GRIK1: variants seen among roughly 807,000 people sequenced by gnomAD.
The protein encoded by GRIK1 is glutamate receptor ionotropic, kainate 1.
Under a neutral mutation model 105.7 loss-of-function variants are expected in GRIK1, and 69 were observed. The observed-to-expected ratio is 0.65, with a 90% CI of 0.54 to 0.80. GRIK1 has a LOEUF of 0.80. Among genes scored for constraint, GRIK1 ranks in the 30% least tolerant of loss-of-function variants. The pLI is 0.00. For missense variants in GRIK1, 1,109 were observed against 1,167.3 expected (o/e 0.95, Z 0.73); for synonymous variants, 438 against 431.3 (o/e 1.02, Z -0.19).
rs543574728 is a variant in GRIK1 at position 29,778,915 on chromosome 21, C to A, written c.119-84852G>T. Among the ~76,000 whole-genome samples, 135 of 151,302 alleles carry A rather than the reference C, an allele frequency of 8.9e-4. 1 individual carries two copies. The highest frequency in any genetic ancestry group is 3.2e-3 in the African/African-American group (131 of 41,332). ...TCTTACTCTTAACCAGAGGGCTTTT[C>A]GAAAAAAAGGGAATTATACTAATTC... is the stretch of plus-strand genomic sequence containing the variant. On this transcript the variant is annotated intron_variant, in intron 1 of 17. Transcript: ENST00000327783.
chr21:29,694,496 A>G (rs1457577641), intron 1 of GRIK1, among the ~76,000 whole-genome samples: 1 of 152,108 alleles, frequency 6.6e-6, no homozygotes, highest in African/African-American at 2.4e-5. Flanking sequence ...CAGATCCTAA[A>G]TCCCGGGCTA....
intron 1 of GRIK1, among the ~76,000 whole-genome samples, chr21:29,888,553 G>A (rs1457311573): frequency 6.6e-6 from 1 of 151,740 alleles, no homozygotes; most frequent in African/African-American, 2.4e-5. Context: ...TTACAGGTGT[G>A]AGCCATTCAC....
In GRIK1 at chr21:29,587,437, CAG is replaced by C. The variant is rs1043410596; in HGVS notation, c.1720_1721del (p.Leu574ValfsTer32). The C allele has an allele frequency of 2.5e-6, 4 of 1,613,802 alleles. No individual in the cohort carries two copies. Among genetic ancestry groups the C allele is most frequent in the Non-Finnish European group, 3.4e-6 (4 of 1,179,886 alleles). The part of the protein sequence containing the change: ...NPGVFSFLNP[L>X]SPDIWMYVLL... ...GCACATACATCCAAATATCTGGAGACAGGGGGTTGAGGAAGGAGAAAACGCCT... is the reference window on the plus strand; with the variant it reads ...GCACATACATCCAAATATCTGGAGACGGGGTTGAGGAAGGAGAAAACGCCT... On this transcript the variant is annotated frameshift_variant, in exon 12 of 18. Transcript: ENST00000327783. LOFTEE classifies it high-confidence loss of function.
At chr21:29,745,857 A>G (rs2065035292) in intron 1 of GRIK1, among the ~76,000 whole-genome samples, 1 of 152,214 alleles carries the variant, frequency 6.6e-6, no homozygotes, top group South Asian at 2.1e-4. Flanking sequence ...TAATCCCAGC[A>G]TTTTGGGAGG....
intron 1 of GRIK1, among the ~76,000 whole-genome samples, chr21:29,867,308 A>C (rs535935839): frequency 2.0e-5 from 3 of 152,318 alleles, no homozygotes; most frequent in Admixed American, 1.3e-4. Context: ...TGAATAAAGA[A>C]AACATAAACT....
intron 1 of GRIK1, among the ~76,000 whole-genome samples, chr21:29,884,739 G>A (rs1014511381): frequency 2.0e-5 from 3 of 151,930 alleles, no homozygotes; most frequent in Non-Finnish European, 2.9e-5. Context: ...ACGAGACAAC[G>A]GAGATTTAGA....
intron 1 of GRIK1, among the ~76,000 whole-genome samples, chr21:29,739,586 T>C (rs1325488531): frequency 6.6e-6 from 1 of 152,218 alleles, no homozygotes; most frequent in East Asian, 1.9e-4. Context: ...TAAAGGAACA[T>C]CGTGCATTCA....
At chr21:29,867,843 G>GAAAGAAAAA (rs1353645612) in intron 1 of GRIK1, among the ~76,000 whole-genome samples, 1 of 121,860 alleles carries the variant, frequency 8.2e-6, no homozygotes, top group African/African-American at 3.4e-5. Context: ...AAAGAAAGAA[G>GAAAGAAAAA]GAAGGAAAGA....
At chr21:29,913,421 G>A (rs2070886522) in intron 1 of GRIK1, among the ~76,000 whole-genome samples, 1 of 151,976 alleles carries the variant, frequency 6.6e-6, no homozygotes, top group Non-Finnish European at 1.5e-5. Flanking sequence ...GGAAGAAAGA[G>A]CATTTTTAAT....
At chr21:29,765,875 A>T (rs978702365) in intron 1 of GRIK1, among the ~76,000 whole-genome samples, 1 of 150,894 alleles carries the variant, frequency 6.6e-6, no homozygotes, top group Non-Finnish European at 1.5e-5. Flanking sequence ...TTTTTGAGAC[A>T]GAATCTCGCT....
Position 29,537,809 on chromosome 21 carries a change from C to T in GRIK1, c.2683G>A (p.Gly895Ser). 6.7e-7 allele frequency: 1 copy of T among 1,502,468 alleles called. No homozygotes were observed. The highest frequency in any genetic ancestry group is 9.3e-7 in the Non-Finnish European group (1 of 1,079,966). The allele number at this position is 1,502,468 out of a possible 1,614,324, so 93.1% of individuals were successfully genotyped here. ...RFHGRKKQSL[G>S]VEKCLSFNAI... ...GAAAATGAACAAACCTTCTCTACACCAAGGCTTTGTTTTTTTCTCCCATGA... is the reference window on the plus strand; with the variant it reads ...GAAAATGAACAAACCTTCTCTACACTAAGGCTTTGTTTTTTTCTCCCATGA... Residue 895 changes from glycine (G) to serine (S), a missense_variant, in exon 17 of 18, where the codon GGT (glycine) becomes AGT (serine). Transcript: ENST00000327783.
intron 1 of GRIK1, among the ~76,000 whole-genome samples, chr21:29,753,629 C>T (rs2145657392): frequency 6.6e-6 from 1 of 152,294 alleles, no homozygotes; most frequent in East Asian, 1.9e-4. Flanking sequence ...AAACAGAAAA[C>T]AAATCACTCA....
Position 29,651,218 on chromosome 21 carries a change from A to G in GRIK1, c.854T>C (p.Ile285Thr). The G allele has an allele frequency of 2.5e-6, 4 of 1,613,856 alleles. No homozygotes were observed. The highest frequency in any genetic ancestry group is 1.6e-4 in the Middle Eastern group (1 of 6,062). Residue 285 changes from isoleucine (I) to threonine (T), a missense_variant, in exon 6 of 18, where the codon ATT (isoleucine) becomes ACT (threonine). Around this residue, in one of 5 missense-constraint regions of GRIK1, gnomAD observed 612 missense variants for 586.0 expected, o/e 1.04. Coordinates refer to ENST00000327783, the MANE Select transcript of GRIK1 (RefSeq NM_001330994.2). The part of the protein sequence containing the change: ...VNMTGFRLLN[I>T]DNPHVSSIIE... ...GATGGATGACACGTGAGGGTTGTCA[A>G]TGTTAAGCAGCCGAAACCCGGTCAT... is the stretch of plus-strand genomic sequence containing the variant.
At chr21:29,617,991 C>T (rs1466518285) in intron 7 of GRIK1, among the ~76,000 whole-genome samples, 1 of 152,212 alleles carries the variant, frequency 6.6e-6, no homozygotes, top group Non-Finnish European at 1.5e-5. Flanking sequence ...TCATTAATCT[C>T]TCAGTTCCAG....
At chr21:29,772,013 G>A (rs569722524) in intron 1 of GRIK1, among the ~76,000 whole-genome samples, 16 of 152,276 alleles carry the variant, frequency 1.1e-4, no homozygotes, top group African/African-American at 3.9e-4. Flanking sequence ...TACCATTCCT[G>A]GAGTTATGAT....
At position 29,555,251 on chromosome 21, in the gene GRIK1, T is replaced by C. The variant is rs1568805223; in HGVS notation, c.2408A>G (p.Glu803Gly). 6.2e-7 allele frequency: 1 copy of C among 1,613,678 alleles called. No homozygotes were observed. ...CTCTTTCATCATATGCAGCTTCCCT[T>C]CTTCTTGGAGTTGAAGAATAGCAAT... is the stretch of plus-strand genomic sequence containing the variant. Reference protein sequence around the residue: ...ITIAILQLQEEGKLHMMKEKW... With the variant: ...ITIAILQLQEGGKLHMMKEKW... The change falls in exon 16 of 18, where the codon GAA becomes GGA. Residue 803 changes from glutamate to glycine, a missense_variant. This residue lies in a region of GRIK1 where 18 missense variants were observed against 42.8 expected (regional missense o/e 0.42). Coordinates refer to ENST00000327783, the MANE Select transcript of GRIK1 (RefSeq NM_001330994.2).
intron 16 of GRIK1, among the ~76,000 whole-genome samples, chr21:29,542,947 A>T (rs1384027539): frequency 6.6e-6 from 1 of 152,196 alleles, no homozygotes; most frequent in East Asian, 1.9e-4. Flanking sequence ...AAGAAAGAGG[A>T]TATTATTGTC....
At chr21:29,855,418 A>C (rs530092958) in intron 1 of GRIK1, among the ~76,000 whole-genome samples, 10 of 152,346 alleles carry the variant, frequency 6.6e-5, no homozygotes, top group African/African-American at 2.4e-4. Context: ...CTGAATGTCA[A>C]GAAGGAGCAT....
At chr21:29,642,772 G>T in intron 7 of GRIK1, 54 bp downstream of exon 7, 2 of 1,549,842 alleles carry the variant, frequency 1.3e-6, no homozygotes, top group Non-Finnish European at 1.8e-6. Context: ...TACCAAATGG[G>T]CAAGCCCAAC....
Sources: allele counts gnomAD v4.1 joint callset (sites outside exome capture counted in the v4.1 genomes callset), GRCh38; gene constraint gnomAD v4.1.1; regional missense constraint gnomAD v4.1.1; transcripts MANE v1.5; gene names NCBI Gene and HGNC (gene_info 2026-07-23, HGNC 2026-07-21).